Variants in GRID2 observed in about 807,000 individuals in gnomAD.
GRID2 encodes glutamate receptor ionotropic, delta-2.
GRID2 carries 33 observed loss-of-function variants against 114.8 expected under a neutral mutation model. That is an observed-to-expected ratio of 0.29 (90% CI 0.22 to 0.38). The LOEUF (loss-of-function observed/expected upper bound fraction) is 0.38. Ranked by LOEUF, GRID2 falls within the 10% of genes least tolerant of loss-of-function variation. The probability of loss-of-function intolerance (pLI) is 1.00; values close to 1 mark genes in which losing one functional copy is unlikely to be tolerated. For synonymous variants in GRID2, 505 were observed against 449.9 expected (o/e 1.12, Z -1.55); for missense variants, 1,184 against 1,257.7 (o/e 0.94, Z 0.89).
At chr4:93,332,918 C>T (rs1328033284) in intron 8 of GRID2, among the ~76,000 whole-genome samples, 1 of 152,076 alleles carries the variant, frequency 6.6e-6, no homozygotes, top group Non-Finnish European at 1.5e-5. Context: ...TGATGTGCTG[C>T]GATCACCACC....
intron 2 of GRID2, among the ~76,000 whole-genome samples, chr4:93,022,973 A>C (rs990682608): frequency 1.3e-5 from 2 of 151,952 alleles, no homozygotes; most frequent in Non-Finnish European, 2.9e-5. Context: ...TCCCAAATCT[A>C]CAGTGATACA....
At chr4:93,043,909 A>G (rs969762797) in intron 2 of GRID2, among the ~76,000 whole-genome samples, 1 of 151,280 alleles carries the variant, frequency 6.6e-6, no homozygotes, top group African/African-American at 2.4e-5. Context: ...AACTTAAAGT[A>G]TAATTAAAAA....
chr4:92,735,012 C>G (rs967868160), intron 2 of GRID2, among the ~76,000 whole-genome samples: 1 of 151,922 alleles, frequency 6.6e-6, no homozygotes, highest in Non-Finnish European at 1.5e-5. Context: ...CTCTTGGGCT[C>G]AAGCAATCCA....
At chr4:92,670,092 G>A (rs1329760197) in intron 2 of GRID2, among the ~76,000 whole-genome samples, 2 of 151,992 alleles carry the variant, frequency 1.3e-5, no homozygotes, top group Non-Finnish European at 2.9e-5. Context: ...TAACATAAAG[G>A]ACTTTACTAG....
At chr4:92,940,947 A>G (rs1051593469) in intron 2 of GRID2, among the ~76,000 whole-genome samples, 15 of 151,974 alleles carry the variant, frequency 9.9e-5, no homozygotes, top group Non-Finnish European at 1.5e-4. Flanking sequence ...AAGATTTTTG[A>G]TGTGCTGCTG....
rs895466775 is a variant in GRID2, at chr4:93,685,520, G to A, written c.2360+59085G>A. Among the ~76,000 whole-genome samples the A allele has an allele frequency of 4.6e-5, 7 of 152,012 alleles. No homozygotes were observed. In the East Asian group the frequency reaches 1.3e-3, roughly 29 times the overall value. On this transcript the variant is annotated intron_variant, in intron 14 of 15. Coordinates refer to ENST00000282020, the MANE Select transcript of GRID2 (RefSeq NM_001510.4). ...TTTTAACTCTTGGTAATTTCCATAG[G>A]AGTAGAGATCAGATCTATCTTGTTC...
At chr4:92,894,615 C>G (rs1747029020) in intron 2 of GRID2, among the ~76,000 whole-genome samples, 2 of 152,120 alleles carry the variant, frequency 1.3e-5, no homozygotes, top group Non-Finnish European at 2.9e-5. Context: ...AATATTCCTA[C>G]TATGTACTAT....
intron 2 of GRID2, among the ~76,000 whole-genome samples, chr4:92,838,501 A>G (rs1742635724): frequency 6.6e-6 from 1 of 152,108 alleles, no homozygotes; most frequent in African/African-American, 2.4e-5. Context: ...CCAAACATAA[A>G]TACACATCAA....
chr4:93,353,313 GA>G, intron 8 of GRID2, among the ~76,000 whole-genome samples: 1 of 152,116 alleles, frequency 6.6e-6, no homozygotes, highest in Middle Eastern at 3.4e-3. Context: ...AGGAACCCTG[GA>G]AAAATTAATC....
At chr4:92,920,176 C>CT (rs1749189943) in intron 2 of GRID2, among the ~76,000 whole-genome samples, 1 of 151,908 alleles carries the variant, frequency 6.6e-6, no homozygotes, top group South Asian at 2.1e-4. Context: ...CAACCCTTGC[C>CT]TTTTTTTGTT....
chr4:93,444,879 C>A (rs1264409806), intron 10 of GRID2, among the ~76,000 whole-genome samples: 1 of 151,910 alleles, frequency 6.6e-6, no homozygotes, highest in Non-Finnish European at 1.5e-5. Flanking sequence ...CTTTTTCAAT[C>A]TCAAAACAGT....
At chr4:92,476,193 C>T (rs1240375988) in intron 1 of GRID2, among the ~76,000 whole-genome samples, 2 of 151,636 alleles carry the variant, frequency 1.3e-5, no homozygotes, top group Non-Finnish European at 2.9e-5. Context: ...GCCCGGCTAA[C>T]TTTTTGTACT....
rs70940887 is a variant in GRID2 at position 92,411,655 on chromosome 4, G to GTATATATATATATATATATA, written c.88+106915_88+106934dup. Among the ~76,000 whole-genome samples the GTATATATATATATATATATA allele has an allele frequency of 1.5e-3, 128 of 84,636 alleles. 2 individuals are homozygous for GTATATATATATATATATATA. The highest frequency in any genetic ancestry group is 5.4e-3 in the East Asian group (17 of 3,136). The allele number at this position is 84,636 out of a possible 152,430, so 55.5% of individuals were successfully genotyped here. A position where few individuals can be genotyped will look rare whatever the true frequency, so the allele number is the denominator to read the frequency against. The stretch of plus-strand genomic sequence containing the variant: ...TGTGTGTGTGTGTGTGTGTGTGTGT[G>GTATATATATATATATATATA]TATATATATATATATATATATATGA... On this transcript the variant is annotated intron_variant, in intron 1 of 15. Coordinates refer to ENST00000282020, the MANE Select transcript of GRID2 (RefSeq NM_001510.4).
chr4:93,071,873 A>T (rs1284026069), intron 2 of GRID2, among the ~76,000 whole-genome samples: 1 of 152,164 alleles, frequency 6.6e-6, no homozygotes, highest in African/African-American at 2.4e-5. Flanking sequence ...AAAGAAAAAA[A>T]ATTATCCATG....
At chr4:93,355,508 A>T (rs1200217650) in intron 8 of GRID2, among the ~76,000 whole-genome samples, 1 of 152,078 alleles carries the variant, frequency 6.6e-6, no homozygotes, top group African/African-American at 2.4e-5. Flanking sequence ...GTGTTCCAAG[A>T]GGGAGGAAGT....
intron 14 of GRID2, among the ~76,000 whole-genome samples, chr4:93,699,885 C>G (rs1029980804): frequency 2.0e-5 from 3 of 152,002 alleles, no homozygotes; most frequent in Non-Finnish European, 4.4e-5. Flanking sequence ...TTGACATAAG[C>G]TGGGAATTTA....
chr4:93,261,837 T>G (rs1273640049), intron 8 of GRID2, among the ~76,000 whole-genome samples: 1 of 151,702 alleles, frequency 6.6e-6, no homozygotes, highest in African/African-American at 2.4e-5. Flanking sequence ...ATGTCTCTTT[T>G]GCATATTCTT....
intron 2 of GRID2, among the ~76,000 whole-genome samples, chr4:92,973,230 T>C (rs1474623469): frequency 1.3e-5 from 2 of 152,084 alleles, no homozygotes; most frequent in African/African-American, 4.8e-5. Flanking sequence ...TAAGGAGAAA[T>C]AATATTCAAT....
intron 4 of GRID2, among the ~76,000 whole-genome samples, chr4:93,134,304 G>C (rs2149378839): frequency 6.6e-6 from 1 of 152,254 alleles, no homozygotes; most frequent in East Asian, 1.9e-4. Context: ...ATATATGAAA[G>C]ACTTACAAAT....
Sources: gnomAD v4.1 joint callset for allele counts (sites outside exome capture counted in the v4.1 genomes callset) on GRCh38, gnomAD v4.1.1 for gene constraint, MANE v1.5 for transcripts, NCBI Gene and HGNC (gene_info 2026-07-23, HGNC 2026-07-21) for gene names.